ATG2A: variants seen among roughly 807,000 people sequenced by gnomAD.
ATG2A encodes autophagy related 2A.
ATG2A carries 103 observed loss-of-function variants against 214.2 expected under a neutral mutation model. The ratio of observed to expected loss-of-function variants is 0.48; its 90% confidence interval spans 0.41 to 0.57. The LOEUF is 0.57. Among genes scored for constraint, ATG2A ranks in the 20% least tolerant of loss-of-function variants. ATG2A has a pLI of 0.00. For synonymous variants in ATG2A, 1,160 were observed against 1,142.1 expected, an observed-to-expected ratio of 1.02 and a Z score of -0.32; for missense variants, 2,312 against 2,613.2, an observed-to-expected ratio of 0.88 and a Z score of 2.51.
At chr11:64,912,760 A>G in intron 6 of ATG2A, 1 of 442,646 alleles carries the variant, frequency 2.3e-6, no homozygotes, top group Admixed American at 4.1e-5. Context: ...CGCCTGGCTA[A>G]TTTTGTATTT....
intron 31 of ATG2A, among the ~76,000 whole-genome samples, chr11:64,899,730 C>T (rs1306950667): frequency 6.6e-6 from 1 of 152,132 alleles, no homozygotes; most frequent in Non-Finnish European, 1.5e-5. Context: ...AGAGCCCCAC[C>T]CCACAGAGGC....
At chr11:64,901,499 T>C (rs949787271) in intron 29 of ATG2A, among the ~76,000 whole-genome samples, 24 of 152,100 alleles carry the variant, frequency 1.6e-4, no homozygotes, top group Non-Finnish European at 3.2e-4. Context: ...CTCCCTGTTT[T>C]TGATGAAAGA....
At chr11:64,899,710 T>A (rs1944283326) in intron 31 of ATG2A, among the ~76,000 whole-genome samples, 1 of 152,070 alleles carries the variant, frequency 6.6e-6, no homozygotes, top group Admixed American at 6.6e-5. Context: ...TAGCCCTCCC[T>A]GATTGCTGCA....
chr11:64,904,011 T>C (rs542570935), intron 24 of ATG2A, among the ~76,000 whole-genome samples: 8 of 152,250 alleles, frequency 5.3e-5, no homozygotes, highest in Non-Finnish European at 1.2e-4. Context: ...TTGGAGAGGC[T>C]GAGGCAGGCG....
chr11:64,901,535 G>A (rs576349476), intron 29 of ATG2A, among the ~76,000 whole-genome samples: 6 of 151,974 alleles, frequency 3.9e-5, no homozygotes, highest in South Asian at 2.1e-4. Context: ...GCTATCACCC[G>A]AGTCTATGCC....
At position 64,903,839 on chromosome 11, in the gene ATG2A, C is replaced by T. The variant is rs1163304872; in HGVS notation, c.3465-179G>A. 6.6e-6 allele frequency among the ~76,000 whole-genome samples: 1 copy of T among 152,224 alleles called. No homozygotes were observed. Among genetic ancestry groups the T allele is most frequent in the African/African-American group, 2.4e-5 (1 of 41,456 alleles). On this transcript the variant is annotated intron_variant, in intron 24 of 40. Coordinates refer to ENST00000377264, the MANE Select transcript of ATG2A (RefSeq NM_015104.3). The surrounding 1 kb of genome is among the most constrained non-coding windows in gnomAD (Gnocchi z 4.2). ...ACAGCAGGCAGTGGGAAGCGGGCAG[C>T]ACTTGCAGCTCTCAAAGTGCCTGCA...
At chr11:64,896,325 C>T (rs1403154259) in intron 39 of ATG2A, 137 bp downstream of exon 39, 1 of 1,305,452 alleles carries the variant, frequency 7.7e-7, no homozygotes, top group African/African-American at 1.5e-5. Context: ...CTCTCCGTGG[C>T]TGTTTCTCTA....
chr11:64,905,885 A>G, intron 22 of ATG2A, 37 bp from the exon 23 acceptor site: 1 of 1,586,934 alleles, frequency 6.3e-7, no homozygotes, highest in Non-Finnish European at 8.6e-7. Flanking sequence ...AGTGAGGATC[A>G]GGTGGTGTCC....
Position 64,895,493 on chromosome 11 carries a change from A to G in ATG2A, c.5428-51T>C. ...AGGACAGCTGGCTGGGGCACACGTC[A>G]GCCCCAGGCCCCCAGGACAGTCTGA... is the stretch of plus-strand genomic sequence containing the variant. On this transcript the variant is annotated intron_variant, in intron 39 of 40. Transcript: ENST00000377264. This position sits in a 1 kb window ranked among gnomAD's most constrained non-coding sequence, Gnocchi z 5.0. 6.8e-7 allele frequency: 1 copy of G among 1,480,894 alleles called. No homozygotes were observed. The highest frequency in any genetic ancestry group is 9.0e-7 in the Non-Finnish European group (1 of 1,111,290). 91.7% of individuals were successfully genotyped at this position (1,480,894 alleles called of 1,614,324 possible).
At chr11:64,904,887 GCT>G (rs1944487659) in intron 24 of ATG2A, among the ~76,000 whole-genome samples, 1 of 151,114 alleles carries the variant, frequency 6.6e-6, no homozygotes, top group Non-Finnish European at 1.5e-5. Flanking sequence ...ACGGAGTCTC[GCT>G]CTGTCACCCA....
At chr11:64,897,608 C>A (rs551243462) in intron 36 of ATG2A, 63 bp downstream of exon 36, 45 of 1,610,810 alleles carry the variant, frequency 2.8e-5, no homozygotes, top group Non-Finnish European at 3.7e-5. Flanking sequence ...CAAGACCTGG[C>A]CCCCAGAGGG....
rs1379067497 is a variant in ATG2A, at chr11:64,910,251, C to G, written c.1708-56G>C. ...GCTGAGTGGTACTCAGCGGGTGGGA[C>G]AGGAAGGCCCTCTCTGGTAGTGGGA... On this transcript the variant is annotated intron_variant, in intron 12 of 40. Transcript: ENST00000377264. 7 of 1,518,722 alleles carry G rather than the reference C, an allele frequency of 4.6e-6. No homozygotes were observed. The East Asian group carries it at 1.6e-4, about 35-fold the overall frequency. The allele number at this position is 1,518,722 out of a possible 1,614,324, so 94.1% of individuals were successfully genotyped here. A position where few individuals can be genotyped will look rare whatever the true frequency, so the allele number is the denominator to read the frequency against.
intron 39 of ATG2A, among the ~76,000 whole-genome samples, chr11:64,896,234 G>A (rs1944144277): frequency 6.6e-6 from 1 of 152,240 alleles, no homozygotes; most frequent in Admixed American, 6.5e-5. Context: ...CTGAAGGCCT[G>A]GGGGGCACTC....
At position 64,916,835 on chromosome 11, in the gene ATG2A, G is replaced by GGA; in HGVS notation, c.171+129_171+130insTC. 3 of 1,329,912 alleles carry GGA rather than the reference G, an allele frequency of 2.3e-6. No individual in the cohort carries two copies. The South Asian group carries it at 4.1e-5, about 18-fold the overall frequency. The allele number at this position is 1,329,912 out of a possible 1,614,324, so 82.4% of individuals were successfully genotyped here. On this transcript the variant is annotated intron_variant, in intron 1 of 40. Coordinates refer to ENST00000377264, the MANE Select transcript of ATG2A (RefSeq NM_015104.3). ...CCAGCCGGGGTGCCTCTGACGCCTG[G>GGA]AGAGGGCAAGATTCCCCTGGCCTCT... is the stretch of plus-strand genomic sequence containing the variant.
Position 64,905,670 on chromosome 11 carries a change from C to T in ATG2A, c.3372-15G>A, listed in dbSNP as rs752866204. ...GGTAGAGTGGCCTGGGGGTGATACT[C>T]GGGCTGGGGCCGGCTCCTTACACCT... On this transcript the variant is annotated splice_polypyrimidine_tract_variant and intron_variant, in intron 23 of 40. Transcript: ENST00000377264. The T allele has an allele frequency of 3.1e-6, 5 of 1,613,514 alleles. No homozygotes were observed. Among genetic ancestry groups the T allele is most frequent in the African/African-American group, 1.3e-5 (1 of 74,916 alleles).
chr11:64,899,685 C>T (rs899372959), intron 31 of ATG2A, among the ~76,000 whole-genome samples: 2 of 152,130 alleles, frequency 1.3e-5, no homozygotes, highest in African/African-American at 2.4e-5. Flanking sequence ...TCTAGGCTCT[C>T]CTGAACCTGC....
chr11:64,912,300 C>T (rs1944804963), intron 7 of ATG2A, 27 bp downstream of exon 7: 1 of 1,606,476 alleles, frequency 6.2e-7, no homozygotes, highest in Non-Finnish European at 8.5e-7. Context: ...CCAGCCACCC[C>T]ACCCCCATGC....
chr11:64,898,385 G>A lies in ATG2A; in HGVS notation c.4672-23C>T. 6.4e-7 allele frequency: 1 copy of A among 1,563,118 alleles called. No homozygotes were observed. The highest frequency in any genetic ancestry group is 8.7e-7 in the Non-Finnish European group (1 of 1,155,126). On this transcript the variant is annotated intron_variant, in intron 32 of 40. Coordinates refer to ENST00000377264, the MANE Select transcript of ATG2A (RefSeq NM_015104.3). The surrounding 1 kb of genome is among the most constrained non-coding windows in gnomAD (Gnocchi z 4.5). ...GAGCTGGGAGCAGAGGGTGAGTTCT[G>A]GACACCTGCTGGGCCTCTGGGGCAG...
At position 64,903,189 on chromosome 11, in the gene ATG2A, TCCGGAG is replaced by T; in HGVS notation, c.3612+93_3612+98del. 2 of 1,139,864 alleles carry T rather than the reference TCCGGAG, an allele frequency of 1.8e-6. No individual in the cohort carries two copies. Among genetic ancestry groups the T allele is most frequent in the Non-Finnish European group, 2.6e-6 (2 of 771,068 alleles). The allele number at this position is 1,139,864 out of a possible 1,614,324, so 70.6% of individuals were successfully genotyped here. On this transcript the variant is annotated intron_variant, in intron 26 of 40. Transcript: ENST00000377264. The surrounding 1 kb of genome is among the most constrained non-coding windows in gnomAD (Gnocchi z 4.2). The stretch of plus-strand genomic sequence containing the variant: ...CCAGGAAGGGCAGGCATGAACTGTG[TCCGGAG>T]CCCAGGCACGTGAGGGAGCAGCAGC...
Sources: gnomAD v4.1 joint callset for allele counts (sites outside exome capture counted in the v4.1 genomes callset) on GRCh38, gnomAD v4.1.1 for gene constraint, Gnocchi (gnomAD v3.1) non-coding constraint, MANE v1.5 for transcripts, NCBI Gene and HGNC (gene_info 2026-07-23, HGNC 2026-07-21) for gene names.